Variants in FAAH2 observed in about 807,000 individuals in gnomAD.
FAAH2 encodes fatty-acid amide hydrolase 2.
FAAH2 carries 60 observed loss-of-function variants against 36.9 expected under a neutral mutation model. That is an observed-to-expected ratio of 1.63 (90% CI 1.32 to 2.02). The LOEUF (loss-of-function observed/expected upper bound fraction) is 2.02, where lower values mean the gene tolerates loss of function less well. Ranked by LOEUF, FAAH2 falls within the 30% of genes most tolerant of loss-of-function variation. The pLI, the probability that FAAH2 is intolerant of heterozygous loss-of-function variation, is 0.00. For missense variants in FAAH2, 689 were observed against 397.5 expected (o/e 1.73, Z -6.23); for synonymous variants, 214 against 143.8 (o/e 1.49, Z -3.49).
At chrX:57,320,380 A>G (rs189377661) in intron 3 of FAAH2, among the ~76,000 whole-genome samples, 22 of 112,481 alleles carry the variant, frequency 2.0e-4, no homozygotes, top group Admixed American at 5.7e-4. Flanking sequence ...ACACTTCTCA[A>G]AAGAAGACAT....
At chrX:57,290,338 C>T (rs751545395) in intron 1 of FAAH2, 14 of 693,364 alleles carry the variant, frequency 2.0e-5, no homozygotes, top group African/African-American at 1.9e-4. Context: ...GCTCTTAATG[C>T]TAGAGCTCTG....
the FAAH2 span, among the ~76,000 whole-genome samples, chrX:57,174,874 C>T: frequency 8.1e-5 from 9 of 111,584 alleles, no homozygotes; most frequent in Non-Finnish European, 1.7e-4. Flanking sequence ...AAATTTTATA[C>T]ATTTGTATAA....
chrX:57,455,667 T>A (rs371017387), intron 10 of FAAH2, among the ~76,000 whole-genome samples: 3 of 111,661 alleles, frequency 2.7e-5, no homozygotes, highest in Middle Eastern at 9.4e-3. Flanking sequence ...TTACATTAGA[T>A]TAACAAATTT....
At chrX:57,439,453 G>GT (rs1439306268) in intron 8 of FAAH2, among the ~76,000 whole-genome samples, 2 of 111,172 alleles carry the variant, frequency 1.8e-5, no homozygotes, top group Non-Finnish European at 3.8e-5. Context: ...GGGGTTGTTT[G>GT]TTTTTTTCTT....
intron 3 of FAAH2, among the ~76,000 whole-genome samples, chrX:57,323,495 G>C (rs751141894): frequency 6.3e-5 from 7 of 111,443 alleles, no homozygotes; most frequent in Non-Finnish European, 1.1e-4. Flanking sequence ...TCCAGCACCT[G>C]TTGTTCCTGA....
At chrX:57,246,016 A>C in the FAAH2 span, among the ~76,000 whole-genome samples, 1 of 111,777 alleles carries the variant, frequency 8.9e-6, no homozygotes, top group South Asian at 3.7e-4. Flanking sequence ...AGAATCAAAT[A>C]GGTGCAATAA....
intron 5 of FAAH2, among the ~76,000 whole-genome samples, chrX:57,370,483 AT>A (rs1307337261): frequency 1.8e-5 from 2 of 111,908 alleles, no homozygotes; most frequent in Non-Finnish European, 3.8e-5. Flanking sequence ...TAAGGCAAAT[AT>A]TAGATATAAA....
chrX:57,298,873 C>T (rs946020472), intron 2 of FAAH2, among the ~76,000 whole-genome samples: 7 of 107,135 alleles, frequency 6.5e-5, no homozygotes, highest in East Asian at 3.0e-4. Flanking sequence ...ATAAATTCCT[C>T]GACACCTACA....
At chrX:57,131,381 G>T in the FAAH2 span, among the ~76,000 whole-genome samples, 1 of 111,614 alleles carries the variant, frequency 9.0e-6, no homozygotes, top group African/African-American at 3.3e-5. Context: ...CACCGCGCCC[G>T]GCCGGGTCTA....
At chrX:57,382,717 A>G (rs895416359) in intron 7 of FAAH2, among the ~76,000 whole-genome samples, 1 of 111,633 alleles carries the variant, frequency 9.0e-6, no homozygotes, top group Non-Finnish European at 1.9e-5. Flanking sequence ...CCAGGAGCAG[A>G]CAGATTCACA....
At chrX:57,271,978 A>T in the FAAH2 span, among the ~76,000 whole-genome samples, 2 of 109,988 alleles carry the variant, frequency 1.8e-5, no homozygotes, top group African/African-American at 3.3e-5. Context: ...GCATGTTCTA[A>T]CCCAATGCAA....
Position 57,471,262 on chromosome X carries a change from A to T in FAAH2, c.1424-17495A>T, listed in dbSNP as rs770760949. On this transcript the variant is annotated intron_variant, in intron 10 of 10. Transcript: ENST00000374900. Reference sequence around the variant, plus strand: ...TATGGCCAGGGCAATGAGGCAAGAGAAAGGAATAAAGGGTATTCAATTAGG... The same window carrying T: ...TATGGCCAGGGCAATGAGGCAAGAGTAAGGAATAAAGGGTATTCAATTAGG... Among the ~76,000 whole-genome samples the T allele has an allele frequency of 3.6e-5, 4 of 111,862 alleles. No individual in the cohort carries two copies. The East Asian group carries it at 1.1e-3, about 31-fold the overall frequency.
chrX:57,309,853 A>C (rs950773404), intron 2 of FAAH2, among the ~76,000 whole-genome samples: 1 of 111,779 alleles, frequency 8.9e-6, no homozygotes, highest in African/African-American at 3.3e-5. Flanking sequence ...GGTGGATTCC[A>C]TGTGTTTACT....
chrX:57,182,493 C>T, the FAAH2 span, among the ~76,000 whole-genome samples: 2 of 111,226 alleles, frequency 1.8e-5, no homozygotes, highest in East Asian at 2.8e-4. Flanking sequence ...CAATGCAACT[C>T]GAAACCACAA....
chrX:57,209,399 A>G, the FAAH2 span, among the ~76,000 whole-genome samples: 2 of 111,470 alleles, frequency 1.8e-5, no homozygotes, highest in African/African-American at 6.5e-5. Flanking sequence ...CAGACATTTA[A>G]TTCTGCCAGG....
the FAAH2 span, among the ~76,000 whole-genome samples, chrX:57,223,162 G>C: frequency 8.9e-6 from 1 of 112,099 alleles, no homozygotes; most frequent in Non-Finnish European, 1.9e-5. Flanking sequence ...ACTCCTTCAA[G>C]CTGCCAGGCT....
At chrX:57,413,190 G>A (rs1338418361) in intron 7 of FAAH2, among the ~76,000 whole-genome samples, 1 of 111,908 alleles carries the variant, frequency 8.9e-6, no homozygotes, top group African/African-American at 3.2e-5. Context: ...TCTCTCTGAT[G>A]ATAGTTTCTT....
At chrX:57,387,227 T>C (rs1456819619) in intron 7 of FAAH2, among the ~76,000 whole-genome samples, 9 of 111,686 alleles carry the variant, frequency 8.1e-5, no homozygotes, top group Admixed American at 4.8e-4. Flanking sequence ...TAGATAAGCA[T>C]GCTAACCATC....
At chrX:57,189,252 T>C in the FAAH2 span, among the ~76,000 whole-genome samples, 1 of 110,678 alleles carries the variant, frequency 9.0e-6, no homozygotes, top group Non-Finnish European at 1.9e-5. Context: ...ATTTATGTTC[T>C]TCTCTAAACT....
Sources: gnomAD v4.1 joint callset for allele counts (sites outside exome capture counted in the v4.1 genomes callset) on GRCh38, gnomAD v4.1.1 for gene constraint, MANE v1.5 for transcripts, NCBI Gene and HGNC (gene_info 2026-07-23, HGNC 2026-07-21) for gene names.